Variants in TMEM9 observed in about 807,000 individuals in gnomAD.
TMEM9 encodes the protein transmembrane protein 9, also known as proton-transporting V-type ATPase complex assembly regulator TMEM9.
Under a neutral mutation model 22.8 loss-of-function variants are expected in TMEM9, and 13 were observed. The ratio of observed to expected loss-of-function variants is 0.57; its 90% CI spans 0.37 to 0.91. TMEM9 has a LOEUF of 0.91. TMEM9 is among the 40% of genes least tolerant of loss of function. TMEM9 has a pLI of 0.01. For synonymous variants in TMEM9, 88 were observed against 93.0 expected (o/e 0.95, Z 0.31); for missense variants, 182 against 238.1 (o/e 0.76, Z 1.55).
At position 201,154,312 on chromosome 1, in the gene TMEM9, T is replaced by C. The variant is rs1159662299; in HGVS notation, c.-389A>G. ...CCCCGCTCGGGCCCGACGGGAACTT[T>C]TGGGTGCGAGTCTGGGACCCCTGCT... On this transcript the variant is annotated 5_prime_UTR_variant, in exon 1 of 5. Coordinates refer to ENST00000367330, the MANE Select transcript of TMEM9 (RefSeq NM_001288565.2). 2 of 189,664 alleles carry C rather than the reference T, an allele frequency of 1.1e-5. No homozygotes were observed. The highest frequency in any genetic ancestry group is 2.2e-5 in the Non-Finnish European group (2 of 89,730). The allele number at this position is 189,664 out of a possible 1,614,324, so 11.7% of individuals were successfully genotyped here. A position where few individuals can be genotyped will look rare whatever the true frequency, so the allele number is the denominator to read the frequency against.
intron 1 of TMEM9, among the ~76,000 whole-genome samples, chr1:201,165,781 G>T (rs1278887107): frequency 2.0e-5 from 3 of 152,170 alleles, no homozygotes; most frequent in Admixed American, 6.5e-5. Flanking sequence ...AGCCAGAATG[G>T]CAGACTGAAA....
chr1:201,167,518 T>C (rs1187832756), intron 1 of TMEM9, among the ~76,000 whole-genome samples: 2 of 152,204 alleles, frequency 1.3e-5, no homozygotes, highest in African/African-American at 4.8e-5. Flanking sequence ...AGTGACGTTA[T>C]CTGCAGGAGT....
intron 1 of TMEM9, among the ~76,000 whole-genome samples, chr1:201,161,478 A>G (rs2102292826): frequency 6.6e-6 from 1 of 152,332 alleles, no homozygotes; most frequent in Middle Eastern, 3.4e-3. Context: ...ATTTTTCAAA[A>G]TACACTTCAG....
At chr1:201,168,100 T>C (rs993666674) in intron 1 of TMEM9, among the ~76,000 whole-genome samples, 5 of 152,242 alleles carry the variant, frequency 3.3e-5, no homozygotes, top group African/African-American at 1.2e-4. Context: ...AGCAGTTCAT[T>C]CATTTGCATT....
intron 4 of TMEM9, among the ~76,000 whole-genome samples, chr1:201,140,008 T>C (rs1478590246): frequency 6.6e-6 from 1 of 152,194 alleles, no homozygotes; most frequent in Admixed American, 6.5e-5. Context: ...CTCATCAGTG[T>C]GTCTGTTCCG....
At chr1:201,148,874 T>C (rs923966319) in intron 2 of TMEM9, among the ~76,000 whole-genome samples, 13 of 151,398 alleles carry the variant, frequency 8.6e-5, no homozygotes, top group Non-Finnish European at 1.6e-4. Flanking sequence ...TTTCAGGCCT[T>C]GCATGCTGCT....
chr1:201,155,823 C>G (rs151156532), upstream of TMEM9, among the ~76,000 whole-genome samples: 50 of 152,260 alleles, frequency 3.3e-4, no homozygotes, highest in East Asian at 7.7e-3. Flanking sequence ...ACCAAATTTT[C>G]AAGGTGGTTG....
At chr1:201,147,100 A>G in intron 2 of TMEM9, among the ~76,000 whole-genome samples, 1 of 152,122 alleles carries the variant, frequency 6.6e-6, no homozygotes, top group Non-Finnish European at 1.5e-5. Flanking sequence ...CTCCAAAACC[A>G]TCAACGTTCC....
rs1464835742 is a variant in TMEM9 at position 201,143,827 on chromosome 1, T to A, written c.392A>T (p.Glu131Val). Residue 131 changes from glutamate (E) to valine (V), a missense_variant, in exon 4 of 5, where the codon GAG becomes GTG. Coordinates refer to ENST00000367330, the MANE Select transcript of TMEM9 (RefSeq NM_001288565.2). ...AYTEQLHNEE[E>V]NEDARSMAAA... is the part of the protein sequence containing the mutation. Reference sequence around the variant, plus strand: ...CACTCAAAGCCCTCTTACCTCATTCTCCTCCTCATTGTGCAGTTGCTCAGT... The same window carrying A: ...CACTCAAAGCCCTCTTACCTCATTCACCTCCTCATTGTGCAGTTGCTCAGT... The A allele has an allele frequency of 6.2e-7, 1 of 1,613,988 alleles. No homozygotes were observed. Among genetic ancestry groups the A allele is most frequent in the Admixed American group, 1.7e-5 (1 of 60,014 alleles).
At chr1:201,143,754 C>T in intron 4 of TMEM9, 66 bp downstream of exon 4, 1 of 1,578,300 alleles carries the variant, frequency 6.3e-7, no homozygotes, top group Non-Finnish European at 8.7e-7. Context: ...GGTGACGCTC[C>T]TCTGGGTTTT....
At chr1:201,155,160 C>G (rs1286797689), upstream of TMEM9, among the ~76,000 whole-genome samples, 1 of 152,176 alleles carries the variant, frequency 6.6e-6, no homozygotes, top group Non-Finnish European at 1.5e-5. Flanking sequence ...GCACCAGACC[C>G]GGAGTGAGGA....
chr1:201,139,099 A>G (rs1003482187), intron 4 of TMEM9, among the ~76,000 whole-genome samples: 1 of 152,214 alleles, frequency 6.6e-6, no homozygotes, highest in East Asian at 1.9e-4. Flanking sequence ...GCCGTCCCAG[A>G]TGAAACCCTC....
chr1:201,163,705 A>T (rs968792380), intron 1 of TMEM9, among the ~76,000 whole-genome samples: 13 of 118,834 alleles, frequency 1.1e-4, no homozygotes, highest in African/African-American at 3.1e-4. Flanking sequence ...TGGCTAAAAT[A>T]AAAAAAAAAT....
At chr1:201,142,911 C>T (rs1268707969) in intron 4 of TMEM9, among the ~76,000 whole-genome samples, 8 of 152,376 alleles carry the variant, frequency 5.3e-5, no homozygotes, top group Non-Finnish European at 7.3e-5. Flanking sequence ...CTGGGGAGTG[C>T]AGGGCTCATC....
At chr1:201,149,808 A>T (rs1352259391) in intron 2 of TMEM9, among the ~76,000 whole-genome samples, 1 of 152,178 alleles carries the variant, frequency 6.6e-6, no homozygotes, top group Admixed American at 6.5e-5. Context: ...TACTCAGATC[A>T]ATGTCAAGGC....
intron 1 of TMEM9, 85 bp downstream of exon 1, chr1:201,153,773 A>G (rs764479193): frequency 3.1e-6 from 5 of 1,593,506 alleles, no homozygotes. Context: ...CTTAAGGAGC[A>G]GCTGGCTACC....
chr1:201,136,959 G>T (rs908710146), intron 4 of TMEM9, among the ~76,000 whole-genome samples: 9 of 152,254 alleles, frequency 5.9e-5, no homozygotes, highest in Non-Finnish European at 1.0e-4. Context: ...GTGGTGAGGT[G>T]AGGGTAGGGT....
intron 1 of TMEM9, among the ~76,000 whole-genome samples, chr1:201,168,437 G>C (rs2102298099): frequency 6.6e-6 from 1 of 152,264 alleles, no homozygotes; most frequent in South Asian, 2.1e-4. Flanking sequence ...AAGGTTTTTA[G>C]GCCAGGCATG....
Position 201,140,795 on chromosome 1 carries a change from G to C in TMEM9, c.399+3025C>G, listed in dbSNP as rs117802312. Among the ~76,000 whole-genome samples, 131 of 152,292 alleles carry C rather than the reference G, an allele frequency of 8.6e-4. 1 individual carries two copies. In the East Asian group the frequency reaches 0.024, roughly 28 times the overall value. Reference sequence around the variant, plus strand: ...CTAGGCGAACTTTCAAGGAACCCAAGAGGCCATGTCCTGACTTTGTTCCTC... The same window carrying C: ...CTAGGCGAACTTTCAAGGAACCCAACAGGCCATGTCCTGACTTTGTTCCTC... On this transcript the variant is annotated intron_variant, in intron 4 of 4. Coordinates refer to ENST00000367330, the MANE Select transcript of TMEM9 (RefSeq NM_001288565.2).
Sources: allele counts gnomAD v4.1 joint callset (sites outside exome capture counted in the v4.1 genomes callset), GRCh38; gene constraint gnomAD v4.1.1; transcripts MANE v1.5; gene names NCBI Gene and HGNC (gene_info 2026-07-23, HGNC 2026-07-21).